AJAP1: variants seen among roughly 807,000 people sequenced by gnomAD.
AJAP1 encodes adherens junctions associated protein 1, also known as adherens junction-associated protein 1.
AJAP1 carries 5 observed loss-of-function variants against 35.0 expected under a neutral mutation model. The observed-to-expected ratio is 0.14, with a 90% confidence interval of 0.07 to 0.30. AJAP1 has a LOEUF of 0.30. Among genes scored for constraint, AJAP1 ranks in the 10% least tolerant of loss-of-function variants. The probability of loss-of-function intolerance (pLI) is 1.00; values close to 1 mark genes in which losing one functional copy is unlikely to be tolerated. For missense variants in AJAP1, 586 were observed against 571.0 expected (o/e 1.03, Z -0.27); for synonymous variants, 284 against 249.3 (o/e 1.14, Z -1.31).
At chr1:4,721,036 C>T (rs3753699) in intron 2 of AJAP1, among the ~76,000 whole-genome samples, 2 of 152,262 alleles carry the variant, frequency 1.3e-5, no homozygotes, top group Admixed American at 1.3e-4. Flanking sequence ...GGGCACGACT[C>T]TCCCCTTTAC....
intron 1 of AJAP1, among the ~76,000 whole-genome samples, chr1:4,687,347 G>A (rs930548088): frequency 3.3e-5 from 5 of 152,126 alleles, no homozygotes; most frequent in African/African-American, 1.2e-4. Context: ...TGGAGATAAC[G>A]TTCCCTTAAG....
intron 1 of AJAP1, among the ~76,000 whole-genome samples, chr1:4,660,070 C>CGGAGCTGTCACACTGCCG (rs1553153504): frequency 1.3e-5 from 2 of 152,252 alleles, no homozygotes; most frequent in Admixed American, 1.3e-4. Flanking sequence ...GCGGCAGACA[C>CGGAGCTGTCACACTGCCG]GGAGCTGTCA....
chr1:4,686,629 A>G (rs918967298), intron 1 of AJAP1, among the ~76,000 whole-genome samples: 3 of 152,192 alleles, frequency 2.0e-5, no homozygotes, highest in African/African-American at 7.2e-5. Context: ...GAGGCCTTCA[A>G]TGGGAATTCA....
chr1:4,791,908 A>G lies in AJAP1; in HGVS notation c.*9423A>G, dbSNP rs771765493. 2.0e-5 allele frequency: 3 copies of G among 152,278 alleles called. No homozygotes were observed. The highest frequency in any genetic ancestry group is 1.9e-4 in the East Asian group (1 of 5,182). The allele number at this position is 152,278 out of a possible 1,614,324, so 9.4% of individuals were successfully genotyped here. On this transcript the variant is annotated 3_prime_UTR_variant, in exon 6 of 6. Coordinates refer to ENST00000378191, the MANE Select transcript of AJAP1 (RefSeq NM_018836.4). ...GTCCCCCCTCCTCCTCAGCTCACCC[A>G]TGGAACTAGAAATTCACAAACCTGA...
chr1:4,787,548 C>T lies in AJAP1; in HGVS notation c.*5063C>T, dbSNP rs768274896. On this transcript the variant is annotated 3_prime_UTR_variant, in exon 6 of 6. Coordinates refer to ENST00000378191, the MANE Select transcript of AJAP1 (RefSeq NM_018836.4). Reference sequence around the variant, plus strand: ...AGATAAGACATCGCAGTTGTTACGACGCCTGGTTCTCCACCAAATTCCTCT... The same window carrying T: ...AGATAAGACATCGCAGTTGTTACGATGCCTGGTTCTCCACCAAATTCCTCT... 27 of 393,624 alleles carry T rather than the reference C, an allele frequency of 6.9e-5. No homozygotes were observed. The highest frequency in any genetic ancestry group is 3.9e-4 in the Middle Eastern group (1 of 2,582). 24.4% of individuals were successfully genotyped at this position (393,624 alleles called of 1,614,324 possible).
At chr1:4,722,796 C>T (rs1046593209) in intron 2 of AJAP1, among the ~76,000 whole-genome samples, 2 of 152,184 alleles carry the variant, frequency 1.3e-5, no homozygotes, top group African/African-American at 2.4e-5. Context: ...TTAGGGCCCA[C>T]CTGGATCACC....
chr1:4,731,799 C>T (rs1294592927), intron 2 of AJAP1, among the ~76,000 whole-genome samples: 2 of 152,208 alleles, frequency 1.3e-5, no homozygotes, highest in African/African-American at 4.8e-5. Context: ...AAAGTTCAGG[C>T]CAAACTCAGC....
intron 2 of AJAP1, among the ~76,000 whole-genome samples, chr1:4,730,417 C>T (rs1640772682): frequency 6.6e-6 from 1 of 152,142 alleles, no homozygotes; most frequent in Admixed American, 6.5e-5. Flanking sequence ...GCCTGGAGCC[C>T]AGAGAAGCGG....
At chr1:4,779,172 A>C (rs1046305502) in intron 5 of AJAP1, among the ~76,000 whole-genome samples, 1 of 152,098 alleles carries the variant, frequency 6.6e-6, no homozygotes, top group African/African-American at 2.4e-5. Context: ...TCCAGCCAAA[A>C]CCTGAAGGAT....
rs1642094678 is a variant in AJAP1 at position 4,782,971 on chromosome 1, G to A, written c.*486G>A. 2.5e-6 allele frequency: 1 copy of A among 397,092 alleles called. No individual in the cohort carries two copies. The highest frequency in any genetic ancestry group is 4.4e-5 in the Admixed American group (1 of 22,694). 24.6% of individuals were successfully genotyped at this position (397,092 alleles called of 1,614,324 possible). A position where few individuals can be genotyped will look rare whatever the true frequency, so the allele number is the denominator to read the frequency against. ...GCAGAGAAATCTTACAGAAAACAGGGGTGGGAATCTCTTCCGATAGAGTCG... is the reference window on the plus strand; with the variant it reads ...GCAGAGAAATCTTACAGAAAACAGGAGTGGGAATCTCTTCCGATAGAGTCG... On this transcript the variant is annotated 3_prime_UTR_variant, in exon 6 of 6. Coordinates refer to ENST00000378191, the MANE Select transcript of AJAP1 (RefSeq NM_018836.4). This position sits in a 1 kb window ranked among gnomAD's most constrained non-coding sequence, Gnocchi z 5.3.
At chr1:4,722,816 C>T (rs1183689911) in intron 2 of AJAP1, among the ~76,000 whole-genome samples, 1 of 152,308 alleles carries the variant, frequency 6.6e-6, no homozygotes, top group African/African-American at 2.4e-5. Flanking sequence ...CCAGAATGGT[C>T]ACATCCAGGC....
chr1:4,680,722 G>A (rs1639463241), intron 1 of AJAP1, among the ~76,000 whole-genome samples: 1 of 152,198 alleles, frequency 6.6e-6, no homozygotes. Context: ...GTTTTCAGGT[G>A]CACTGGAGTT....
intron 1 of AJAP1, among the ~76,000 whole-genome samples, chr1:4,708,655 A>G (rs1403960746): frequency 6.6e-6 from 1 of 152,178 alleles, no homozygotes; most frequent in African/African-American, 2.4e-5. Flanking sequence ...TGCTGCAGAG[A>G]TGCAGCCTCT....
intron 1 of AJAP1, among the ~76,000 whole-genome samples, chr1:4,702,073 C>T (rs1204195014): frequency 6.6e-6 from 1 of 152,186 alleles, no homozygotes; most frequent in African/African-American, 2.4e-5. Context: ...TCTAACGTGT[C>T]CCCAGTGTTC....
chr1:4,664,141 A>G (rs1458179060), intron 1 of AJAP1, among the ~76,000 whole-genome samples: 1 of 152,212 alleles, frequency 6.6e-6, no homozygotes, highest in Admixed American at 6.5e-5. Context: ...GAATTTCCCC[A>G]GGCCACACAG....
In AJAP1 at chr1:4,692,300, C is replaced by G; in HGVS notation, c.30-19600C>G. Among the ~76,000 whole-genome samples, 2 of 152,286 alleles carry G rather than the reference C, an allele frequency of 1.3e-5. 1 individual carries two copies. Among genetic ancestry groups the G allele is most frequent in the Non-Finnish European group, 2.9e-5 (2 of 68,018 alleles). On this transcript the variant is annotated intron_variant, in intron 1 of 5. Coordinates refer to ENST00000378191, the MANE Select transcript of AJAP1 (RefSeq NM_018836.4). This position sits in a 1 kb window ranked among gnomAD's most constrained non-coding sequence, Gnocchi z 4.4. ...GCTTCTCGGGCTCCTCACCCCGCGC[C>G]CTGGGCTGCTCTCCTCTCTCCGTCT...
chr1:4,689,721 G>T (rs541920472), intron 1 of AJAP1, among the ~76,000 whole-genome samples: 1 of 152,226 alleles, frequency 6.6e-6, no homozygotes, highest in African/African-American at 2.4e-5. Flanking sequence ...GCATGAGCAC[G>T]AGCGTGAACC....
intron 2 of AJAP1, among the ~76,000 whole-genome samples, chr1:4,767,883 A>G (rs1390099669): frequency 6.6e-6 from 1 of 152,138 alleles, no homozygotes. Context: ...CAGGCAACCC[A>G]CCCTCCACAG....
In AJAP1 at chr1:4,783,387, C is replaced by G. The variant is rs1173563569; in HGVS notation, c.*902C>G. 6.7e-6 allele frequency: 1 copy of G among 149,068 alleles called. No homozygotes were observed. Among genetic ancestry groups the G allele is most frequent in the East Asian group, 2.0e-4 (1 of 5,060 alleles). 9.2% of individuals were successfully genotyped at this position (149,068 alleles called of 1,614,324 possible). ...GCCCTTAAATGACAGCCTGCATTTG[C>G]TAGACGGTTGGTGAGTGGCATCAAA... On this transcript the variant is annotated 3_prime_UTR_variant, in exon 6 of 6. Coordinates refer to ENST00000378191, the MANE Select transcript of AJAP1 (RefSeq NM_018836.4).
Sources: gnomAD v4.1 joint callset for allele counts (sites outside exome capture counted in the v4.1 genomes callset) on GRCh38, gnomAD v4.1.1 for gene constraint, Gnocchi (gnomAD v3.1) non-coding constraint, MANE v1.5 for transcripts, NCBI Gene and HGNC (gene_info 2026-07-23, HGNC 2026-07-21) for gene names.